Variants in DNAH6 observed in about 807,000 individuals in gnomAD.
The protein encoded by DNAH6 is axonemal beta dynein heavy chain 6.
In DNAH6, 340 loss-of-function variants were observed where a neutral mutation model predicts 491.4. That is an observed-to-expected ratio of 0.69 (90% CI 0.63 to 0.76). The LOEUF (loss-of-function observed/expected upper bound fraction) is 0.76. DNAH6 is among the 30% of genes least tolerant of loss of function. DNAH6 has a pLI of 0.00. For synonymous variants in DNAH6, 1,603 were observed against 1,686.1 expected, an observed-to-expected ratio of 0.95 and a Z score of 1.21; for missense variants, 4,443 against 4,972.2, an observed-to-expected ratio of 0.89 and a Z score of 3.20.
At position 84,697,561 on chromosome 2, in the gene DNAH6, G is replaced by A. The variant is rs1283157164; in HGVS notation, c.7525-14G>A. On this transcript the variant is annotated splice_polypyrimidine_tract_variant and intron_variant, in intron 46 of 76. Transcript: ENST00000389394. ...GATTGAGCAAGTTGTAATGATCACT[G>A]CTTTCTTCTACAGATTGTAGTGGAG... 1 of 1,544,050 alleles carries A rather than the reference G, an allele frequency of 6.5e-7. No homozygotes were observed. Among genetic ancestry groups the A allele is most frequent in the Non-Finnish European group, 8.7e-7 (1 of 1,143,646 alleles).
At position 84,808,129 on chromosome 2, in the gene DNAH6, ATATG is replaced by A. The variant is rs757791551; in HGVS notation, c.11612-284_11612-281del. Among the ~76,000 whole-genome samples, 314 of 122,140 alleles carry A rather than the reference ATATG, an allele frequency of 2.6e-3. 2 individuals are homozygous for A. The highest frequency in any genetic ancestry group is 8.9e-3 in the African/African-American group (293 of 33,004). 80.1% of individuals were successfully genotyped at this position (122,140 alleles called of 152,430 possible). On this transcript the variant is annotated intron_variant, in intron 71 of 76. Transcript: ENST00000389394. ...ATGTTTGAGAAAAAAAAGTGTATAT[ATATG>A]TGTGTGTGTGTGTGTGTGTGTGTGT...
chr2:84,557,500 A>T (rs1680158586), intron 10 of DNAH6, among the ~76,000 whole-genome samples: 1 of 150,530 alleles, frequency 6.6e-6, no homozygotes, highest in Non-Finnish European at 1.5e-5. Context: ...CAAAAAAAAA[A>T]TTAGCTGGGC....
rs77959060 is a variant in DNAH6 at position 84,710,292 on chromosome 2, C to T, written c.9258C>T (p.Asn3086=). 2.7e-4 allele frequency: 420 copies of T among 1,551,520 alleles called. 7 individuals are homozygous for T. The East Asian group carries it at 0.01, about 38-fold the overall frequency. The change falls in exon 56 of 77, where the codon AAC becomes AAT. Residue 3086 remains asparagine (N), a synonymous_variant. Coordinates refer to ENST00000389394, the MANE Select transcript of DNAH6 (RefSeq NM_001370.2). ...CTCTGTGCTTTTCCAAACAGGCAAACCGTTGGATAAGGAACAAGGAAAGCA... is the reference window on the plus strand; with the variant it reads ...CTCTGTGCTTTTCCAAACAGGCAAATCGTTGGATAAGGAACAAGGAAAGCA... The part of the protein sequence containing the change: ...PLMIDPQDQA[N]RWIRNKESKS...
At chr2:84,596,992 A>C (rs1372599060) in intron 18 of DNAH6, among the ~76,000 whole-genome samples, 1 of 152,192 alleles carries the variant, frequency 6.6e-6, no homozygotes, top group Non-Finnish European at 1.5e-5. Context: ...GGGTTTTTAC[A>C]AATGGGTAGA....
At chr2:84,625,286 A>G (rs1003501576) in intron 29 of DNAH6, among the ~76,000 whole-genome samples, 1 of 152,184 alleles carries the variant, frequency 6.6e-6, no homozygotes, top group African/African-American at 2.4e-5. Flanking sequence ...ATGATTTGTC[A>G]AATGGTGAAA....
the DNAH6 span, among the ~76,000 whole-genome samples, chr2:84,460,221 G>C: frequency 6.6e-6 from 1 of 152,214 alleles, no homozygotes; most frequent in Non-Finnish European, 1.5e-5. Flanking sequence ...CTGTGGGATG[G>C]ATGAGTGGGA....
chr2:84,643,591 A>T (rs548036980), intron 33 of DNAH6, among the ~76,000 whole-genome samples: 1 of 152,036 alleles, frequency 6.6e-6, no homozygotes, highest in Admixed American at 6.6e-5. Flanking sequence ...TCAGTTTCAG[A>T]GGTTTCTATT....
chr2:84,662,278 G>A (rs113511110), intron 37 of DNAH6, among the ~76,000 whole-genome samples: 4 of 151,838 alleles, frequency 2.6e-5, no homozygotes, highest in African/African-American at 7.3e-5. Context: ...TCGGACAGTG[G>A]CTGCACCCCA....
At position 84,575,809 on chromosome 2, in the gene DNAH6, A is replaced by G. The variant is rs1041234274; in HGVS notation, c.1925-1448A>G. ...TGAGGCAGGAGAATGGTGTGAACCC[A>G]GGAGGCGGAGCTTGCAGTGAGCCGA... On this transcript the variant is annotated intron_variant, in intron 12 of 76. Transcript: ENST00000389394. Among the ~76,000 whole-genome samples the G allele has an allele frequency of 3.9e-5, 6 of 152,138 alleles. No homozygotes were observed. The East Asian group carries it at 7.7e-4, about 20-fold the overall frequency.
At chr2:84,565,804 A>AT (rs1380211676) in intron 11 of DNAH6, among the ~76,000 whole-genome samples, 1 of 152,014 alleles carries the variant, frequency 6.6e-6, no homozygotes, top group Non-Finnish European at 1.5e-5. Flanking sequence ...TATATTTAGA[A>AT]TAGCCAAGTC....
Position 84,813,148 on chromosome 2 carries a change from A to G in DNAH6, c.11998+18A>G. 6.5e-7 allele frequency: 1 copy of G among 1,538,798 alleles called. No individual in the cohort carries two copies. Among genetic ancestry groups the G allele is most frequent in the African/African-American group, 1.4e-5 (1 of 72,862 alleles). On this transcript the variant is annotated intron_variant, in intron 74 of 76. Transcript: ENST00000389394. Reference sequence around the variant, plus strand: ...TCTAACAGGTACCAGCGCTTTCTAGAAAAACCCCATAGGAATGGCCATGAC... The same window carrying G: ...TCTAACAGGTACCAGCGCTTTCTAGGAAAACCCCATAGGAATGGCCATGAC...
At position 84,733,500 on chromosome 2, in the gene DNAH6, C is replaced by T. The variant is rs1025671276; in HGVS notation, c.10263C>T (p.Cys3421=). The change falls in exon 62 of 77, where the codon TGC becomes TGT. Residue 3421 remains cysteine (C), a synonymous_variant. Transcript: ENST00000389394. Reference sequence around the variant, plus strand: ...TACCTACTGCTACATGGTTCGCATGCTGTGACTTGGAAGAATCATTTCCAG... The same window carrying T: ...TACCTACTGCTACATGGTTCGCATGTTGTGACTTGGAAGAATCATTTCCAG... ...PWLPTATWFA[C]CDLEESFPVF... 2 of 1,551,240 alleles carry T rather than the reference C, an allele frequency of 1.3e-6. No individual in the cohort carries two copies. The highest frequency in any genetic ancestry group is 2.7e-5 in the African/African-American group (2 of 73,036).
intron 4 of DNAH6, among the ~76,000 whole-genome samples, chr2:84,543,591 C>T (rs1032583826): frequency 6.6e-6 from 1 of 152,106 alleles, no homozygotes; most frequent in Non-Finnish European, 1.5e-5. Context: ...AGAATCGGCC[C>T]TATTTTCATT....
At chr2:84,739,971 G>T (rs1672354765) in intron 62 of DNAH6, among the ~76,000 whole-genome samples, 2 of 151,384 alleles carry the variant, frequency 1.3e-5, no homozygotes, top group South Asian at 4.2e-4. Context: ...TATTGCTGGG[G>T]TTCTGCACTG....
intron 22 of DNAH6, 98 bp downstream of exon 22, chr2:84,611,952 C>T (rs1298962870): frequency 9.5e-7 from 1 of 1,057,018 alleles, no homozygotes. Flanking sequence ...AATCTAATAA[C>T]ATATGGTCCA....
At chr2:84,612,192 A>G (rs1430056868) in intron 22 of DNAH6, among the ~76,000 whole-genome samples, 1 of 152,108 alleles carries the variant, frequency 6.6e-6, no homozygotes, top group East Asian at 1.9e-4. Context: ...AACGAGACAA[A>G]TATTTGCCTT....
In DNAH6 at chr2:84,557,873, C is replaced by T. The variant is rs1309438859; in HGVS notation, c.1741C>T (p.Pro581Ser). 1 of 1,612,278 alleles carries T rather than the reference C, an allele frequency of 6.2e-7. No homozygotes were observed. The change falls in exon 11 of 77, where the codon CCA becomes TCA. Residue 581 changes from proline (P) to serine (S), a missense_variant. This residue lies in a region of DNAH6 where 2,977 missense variants were observed against 3,296.6 expected (regional missense o/e 0.90). Coordinates refer to ENST00000389394, the MANE Select transcript of DNAH6 (RefSeq NM_001370.2). ...KLEGKTCGTG[P>S]SLAAVFEDDK... ...TGAAGGAAAAACCTGTGGAACTGGG[C>T]CAAGTTTAGCAGCAGTATTTGAGGA... is the stretch of plus-strand genomic sequence containing the variant.
the DNAH6 span, among the ~76,000 whole-genome samples, chr2:84,497,220 C>T: frequency 6.6e-6 from 1 of 152,166 alleles, no homozygotes; most frequent in Non-Finnish European, 1.5e-5. Flanking sequence ...ACCCGCCAGC[C>T]TTGGCCTCCC....
chr2:84,487,821 C>A, the DNAH6 span, among the ~76,000 whole-genome samples: 1 of 152,180 alleles, frequency 6.6e-6, no homozygotes, highest in Non-Finnish European at 1.5e-5. Context: ...CACTTAAAAC[C>A]TGTTACTGAA....
Sources: gnomAD v4.1 joint callset for allele counts (sites outside exome capture counted in the v4.1 genomes callset) on GRCh38, gnomAD v4.1.1 for gene constraint, gnomAD v4.1.1 regional missense constraint, MANE v1.5 for transcripts, NCBI Gene and HGNC (gene_info 2026-07-23, HGNC 2026-07-21) for gene names.